IMMP2L: variants seen among roughly 807,000 people sequenced by gnomAD.
The protein encoded by IMMP2L is mitochondrial inner membrane protease subunit 2.
A neutral mutation model predicts 19.3 loss-of-function variants in IMMP2L; 18 were observed. That is an observed-to-expected ratio of 0.93 (90% CI 0.64 to 1.38). IMMP2L has a LOEUF of 1.38. IMMP2L is among the 40% of genes most tolerant of loss of function. The probability of loss-of-function intolerance (pLI) is 0.00; values close to 1 mark genes in which losing one functional copy is unlikely to be tolerated. For synonymous variants in IMMP2L, 76 were observed against 73.0 expected (o/e 1.04, Z -0.21); for missense variants, 233 against 218.2 (o/e 1.07, Z -0.43).
intron 4 of IMMP2L, among the ~76,000 whole-genome samples, chr7:110,920,898 C>A (rs911745641): frequency 2.6e-5 from 4 of 152,076 alleles, no homozygotes; most frequent in Non-Finnish European, 4.4e-5. Flanking sequence ...GCACAATTGT[C>A]AAAACTAAGA....
At position 111,559,218 on chromosome 7, in the gene IMMP2L, T is replaced by A. The variant is rs529658102; in HGVS notation, c.-3+2633A>T. On this transcript the variant is annotated intron_variant, in intron 1 of 5. Coordinates refer to ENST00000405709, the MANE Select transcript of IMMP2L (RefSeq NM_032549.4). Reference sequence around the variant, plus strand: ...GATGTCTGGTGTGAAATCAGATGTCTGTGAACTTGTCTTTCTCAGTTTCCA... The same window carrying A: ...GATGTCTGGTGTGAAATCAGATGTCAGTGAACTTGTCTTTCTCAGTTTCCA... Among the ~76,000 whole-genome samples the A allele has an allele frequency of 3.2e-3, 485 of 152,330 alleles. 2 individuals are homozygous for A. The highest frequency in any genetic ancestry group is 0.011 in the African/African-American group (462 of 41,588).
intron 3 of IMMP2L, among the ~76,000 whole-genome samples, chr7:111,441,783 T>TA (rs1356563145): frequency 2.0e-5 from 3 of 150,478 alleles, no homozygotes; most frequent in East Asian, 3.9e-4. Flanking sequence ...CACAATTTTT[T>TA]AAAAAAGTGT....
chr7:111,067,239 T>A (rs1184916416), intron 3 of IMMP2L, among the ~76,000 whole-genome samples: 1 of 152,236 alleles, frequency 6.6e-6, no homozygotes, highest in African/African-American at 2.4e-5. Flanking sequence ...TGGGAACCTC[T>A]ACTCAGATGA....
intron 5 of IMMP2L, among the ~76,000 whole-genome samples, chr7:110,821,310 A>G (rs903686435): frequency 6.6e-5 from 10 of 152,146 alleles, no homozygotes; most frequent in Admixed American, 6.6e-4. Context: ...CAGCACTACA[A>G]TAAATGATCA....
At position 110,700,982 on chromosome 7, in the gene IMMP2L, T is replaced by C. The variant is rs1794246168; in HGVS notation, c.409-37261A>G. Among the ~76,000 whole-genome samples, 4 of 152,330 alleles carry C rather than the reference T, an allele frequency of 2.6e-5. No individual in the cohort carries two copies. In the South Asian group the frequency reaches 8.3e-4, roughly 32 times the overall value. ...TTTTATAGATTTTGCAACAGCTTTTTCAAAAACAGATATAAATTATTTTTA... is the reference window on the plus strand; with the variant it reads ...TTTTATAGATTTTGCAACAGCTTTTCCAAAAACAGATATAAATTATTTTTA... On this transcript the variant is annotated intron_variant, in intron 5 of 5. Transcript: ENST00000405709.
chr7:111,412,928 C>A (rs1029108611), intron 3 of IMMP2L, among the ~76,000 whole-genome samples: 10 of 150,862 alleles, frequency 6.6e-5, no homozygotes, highest in Middle Eastern at 3.4e-3. Context: ...AGCAAATAAT[C>A]GAAGAAATAA....
intron 3 of IMMP2L, among the ~76,000 whole-genome samples, chr7:111,012,881 A>T (rs1825114762): frequency 6.6e-6 from 1 of 152,218 alleles, no homozygotes; most frequent in Non-Finnish European, 1.5e-5. Flanking sequence ...AATAACGAAC[A>T]TCCTAAATTA....
rs968375860 is a variant in IMMP2L at position 111,215,970 on chromosome 7, T to C, written c.240-252405A>G. On this transcript the variant is annotated intron_variant, in intron 3 of 5. Coordinates refer to ENST00000405709, the MANE Select transcript of IMMP2L (RefSeq NM_032549.4). ...CTTGATTACTATAATTTCTCTTTTA[T>C]TGTCCTCTTGAAATTCATACTTGTT... 3.9e-5 allele frequency among the ~76,000 whole-genome samples: 6 copies of C among 152,330 alleles called. No homozygotes were observed. The East Asian group carries it at 7.7e-4, about 20-fold the overall frequency.
At chr7:111,127,410 A>G (rs971388209) in intron 3 of IMMP2L, among the ~76,000 whole-genome samples, 2 of 152,184 alleles carry the variant, frequency 1.3e-5, no homozygotes, top group African/African-American at 4.8e-5. Context: ...TTTAATCTAC[A>G]TATTTCTTTT....
At chr7:111,503,702 A>T (rs939118624) in intron 2 of IMMP2L, among the ~76,000 whole-genome samples, 2 of 152,306 alleles carry the variant, frequency 1.3e-5, no homozygotes, top group Non-Finnish European at 2.9e-5. Flanking sequence ...GCATATAAAC[A>T]GAACCAAAGA....
chr7:110,889,500 G>GA (rs1810568772), intron 4 of IMMP2L, among the ~76,000 whole-genome samples: 1 of 152,090 alleles, frequency 6.6e-6, no homozygotes, highest in African/African-American at 2.4e-5. Context: ...GATTTGGCAC[G>GA]AGGCGGGGCT....
intron 3 of IMMP2L, among the ~76,000 whole-genome samples, chr7:111,201,363 A>C (rs1810093916): frequency 6.6e-6 from 1 of 151,934 alleles, no homozygotes; most frequent in African/African-American, 2.4e-5. Context: ...CTATGGTCTG[A>C]ATGTTGGTGT....
At chr7:110,861,987 TTATTTATAAAATATA>T (rs1367117934) in intron 5 of IMMP2L, among the ~76,000 whole-genome samples, 1 of 152,074 alleles carries the variant, frequency 6.6e-6, no homozygotes, top group Non-Finnish European at 1.5e-5. Context: ...CCTGCATGGT[TTATTTATAAAATATA>T]TATTTTAAGT....
intron 3 of IMMP2L, among the ~76,000 whole-genome samples, chr7:111,239,805 CTATT>C (rs1181023219): frequency 2.6e-5 from 4 of 151,922 alleles, no homozygotes; most frequent in Admixed American, 1.3e-4. Context: ...TTTCAATAGA[CTATT>C]TAATCTGCCC....
intron 5 of IMMP2L, among the ~76,000 whole-genome samples, chr7:110,824,036 G>C (rs1333376199): frequency 6.6e-6 from 1 of 152,038 alleles, no homozygotes; most frequent in African/African-American, 2.4e-5. Context: ...ACAACCAACA[G>C]TGTCACTGCA....
chr7:111,380,240 T>C (rs925086615), intron 3 of IMMP2L, among the ~76,000 whole-genome samples: 2 of 151,958 alleles, frequency 1.3e-5, no homozygotes, highest in Non-Finnish European at 2.9e-5. Flanking sequence ...TAAACATTTA[T>C]TAAGAAATAC....
chr7:111,182,082 A>C (rs1807772853), intron 3 of IMMP2L, among the ~76,000 whole-genome samples: 1 of 152,074 alleles, frequency 6.6e-6, no homozygotes, highest in Admixed American at 6.6e-5. Context: ...TAAGTGTCAG[A>C]AGAGGGAATA....
At chr7:110,963,075 C>T in intron 4 of IMMP2L, 1 of 1,506,300 alleles carries the variant, frequency 6.6e-7, no homozygotes, top group Non-Finnish European at 8.9e-7. Context: ...ATATCCTTTT[C>T]AGTTTTCTCC....
At chr7:111,078,711 T>C (rs1481454500) in intron 3 of IMMP2L, among the ~76,000 whole-genome samples, 1 of 151,942 alleles carries the variant, frequency 6.6e-6, no homozygotes, top group Non-Finnish European at 1.5e-5. Flanking sequence ...AAAGCTGTGG[T>C]ATTTTTTATT....
Sources: gnomAD v4.1 joint callset for allele counts (sites outside exome capture counted in the v4.1 genomes callset) on GRCh38, gnomAD v4.1.1 for gene constraint, MANE v1.5 for transcripts, NCBI Gene and HGNC (gene_info 2026-07-23, HGNC 2026-07-21) for gene names.